CREBBP: variants seen among roughly 807,000 people sequenced by gnomAD.
CREBBP encodes the protein CREB binding lysine acetyltransferase.
A neutral mutation model predicts 265.0 loss-of-function variants in CREBBP; 19 were observed. The observed-to-expected ratio is 0.07, with a 90% CI of 0.05 to 0.11. The LOEUF (loss-of-function observed/expected upper bound fraction) is 0.11, where lower values mean the gene tolerates loss of function less well. Among genes scored for constraint, CREBBP ranks in the 10% least tolerant of loss-of-function variants. CREBBP has a pLI of 1.00. For synonymous variants in CREBBP, 1,457 were observed against 1,223.7 expected, an observed-to-expected ratio of 1.19 and a Z score of -3.98; for missense variants, 2,525 against 3,219.0, an observed-to-expected ratio of 0.78 and a Z score of 5.22.
At chr16:3,808,566 C>T (rs1265260130) in intron 3 of CREBBP, among the ~76,000 whole-genome samples, 2 of 152,252 alleles carry the variant, frequency 1.3e-5, no homozygotes, top group African/African-American at 4.8e-5. Context: ...GCAGAAACTG[C>T]CCTTGACAAG....
chr16:3,766,444 G>C (rs1053708564), intron 16 of CREBBP, among the ~76,000 whole-genome samples: 3 of 152,052 alleles, frequency 2.0e-5, no homozygotes, highest in Non-Finnish European at 4.4e-5. Context: ...TTTTTGTTTT[G>C]GAAAAATTGT....
Position 3,880,042 on chromosome 16 carries a change from G to T in CREBBP, c.-126C>A. ...GCGCGGGCCGCGAGCGGGCGGGCGGGCGCCGAGGGAGAGGGAGGGCGCAGG... is the reference window on the plus strand; with the variant it reads ...GCGCGGGCCGCGAGCGGGCGGGCGGTCGCCGAGGGAGAGGGAGGGCGCAGG... On this transcript the variant is annotated 5_prime_UTR_variant, in exon 1 of 31. Coordinates refer to ENST00000262367, the MANE Select transcript of CREBBP (RefSeq NM_004380.3). The T allele has an allele frequency of 1.4e-6, 1 of 727,974 alleles. No individual in the cohort carries two copies. The highest frequency in any genetic ancestry group is 1.9e-6 in the Non-Finnish European group (1 of 532,488). The allele number at this position is 727,974 out of a possible 1,614,324, so 45.1% of individuals were successfully genotyped here. A position where few individuals can be genotyped will look rare whatever the true frequency, so the allele number is the denominator to read the frequency against.
chr16:3,826,757 A>C lies in CREBBP; in HGVS notation c.799-15978T>G, dbSNP rs371486080. ...GGCGCCTAAGGAGACAGGACGATTA[A>C]AAGTAATGGGGTATCATGGATGGTA... On this transcript the variant is annotated intron_variant, in intron 2 of 30. Coordinates refer to ENST00000262367, the MANE Select transcript of CREBBP (RefSeq NM_004380.3). 4.6e-4 allele frequency among the ~76,000 whole-genome samples: 70 copies of C among 152,334 alleles called. No individual in the cohort carries two copies. The East Asian group carries it at 0.01, about 22-fold the overall frequency.
rs766317101 is a variant in CREBBP at position 3,793,564 on chromosome 16, T to C, written c.1038A>G (p.Ala346=). 3 of 1,614,004 alleles carry C rather than the reference T, an allele frequency of 1.9e-6. No individual in the cohort carries two copies. The highest frequency in any genetic ancestry group is 2.2e-5 in the East Asian group (1 of 44,902). Reference sequence around the variant, plus strand: ...GTATCAGTTTGCGTTTTTCAGGATCTGCAGTGGGGCCTGTTGCAATTGCTT... The same window carrying C: ...GTATCAGTTTGCGTTTTTCAGGATCCGCAGTGGGGCCTGTTGCAATTGCTT... The part of the protein sequence containing the change: ...PTQAIATGPT[A]DPEKRKLIQQ... The change falls in exon 4 of 31, where the codon GCA becomes GCG. Residue 346 remains alanine (A), a synonymous_variant. Transcript: ENST00000262367.
intron 1 of CREBBP, among the ~76,000 whole-genome samples, chr16:3,864,353 A>G (rs1487923064): frequency 6.6e-6 from 1 of 152,200 alleles, no homozygotes; most frequent in East Asian, 1.9e-4. Flanking sequence ...AAGTCCAAAA[A>G]GTATGCCAGT....
At chr16:3,849,417 GTGTGTGTGT>G (rs2054741827) in intron 2 of CREBBP, among the ~76,000 whole-genome samples, 4 of 7,100 alleles carry the variant, frequency 5.6e-4, no homozygotes, top group African/African-American at 6.9e-4. Context: ...GTGTGTGTGT[GTGTGTGTGT>G]GTGTGTGTGT....
At chr16:3,807,626 C>G (rs749338129) in intron 3 of CREBBP, among the ~76,000 whole-genome samples, 3 of 152,198 alleles carry the variant, frequency 2.0e-5, no homozygotes, top group Admixed American at 6.5e-5. Flanking sequence ...CAGAACATAA[C>G]TGAAGAGTTT....
chr16:3,746,783 A>G (rs957361179), intron 21 of CREBBP, among the ~76,000 whole-genome samples: 5 of 152,248 alleles, frequency 3.3e-5, no homozygotes, highest in Non-Finnish European at 4.4e-5. Flanking sequence ...CATTTCTACA[A>G]AAAATTTAAA....
intron 1 of CREBBP, among the ~76,000 whole-genome samples, chr16:3,852,725 C>T (rs1304389936): frequency 6.6e-6 from 1 of 152,138 alleles, no homozygotes; most frequent in Admixed American, 6.5e-5. Context: ...GTCTTCACCC[C>T]AAAGGGAAAT....
In CREBBP at chr16:3,850,470, T is replaced by C; in HGVS notation, c.625A>G (p.Met209Val). ...NQASQGQAQV[M>V]NGSLGAAGRG... ...CCAGCAGCCCCAAGAGATCCATTCATGACTTGCGCCTGCCCTTGTGAAGCC... is the reference window on the plus strand; with the variant it reads ...CCAGCAGCCCCAAGAGATCCATTCACGACTTGCGCCTGCCCTTGTGAAGCC... Residue 209 changes from methionine (M) to valine (V), a missense_variant, in exon 2 of 31, where the codon ATG (methionine) becomes GTG (valine). By Grantham distance (21) the Met-to-Val change is conservative. This residue lies in a region of CREBBP where 356 missense variants were observed against 340.4 expected (regional missense o/e 1.05). Coordinates refer to ENST00000262367, the MANE Select transcript of CREBBP (RefSeq NM_004380.3). The C allele has an allele frequency of 1.2e-6, 2 of 1,614,236 alleles. No individual in the cohort carries two copies. The highest frequency in any genetic ancestry group is 8.5e-7 in the Non-Finnish European group (1 of 1,180,040).
Position 3,850,489 on chromosome 16 carries a change from T to C in CREBBP, c.606A>G (p.Ser202=), listed in dbSNP as rs1567361978. The C allele has an allele frequency of 3.1e-6, 5 of 1,614,124 alleles. No homozygotes were observed. The East Asian group carries it at 1.1e-4, about 36-fold the overall frequency. Residue 202 remains serine (S), a synonymous_variant, in exon 2 of 31, where the codon TCA becomes TCG. Transcript: ENST00000262367. The part of the protein sequence containing the change: ...NSGHSLINQA[S]QGQAQVMNGS... ...CATTCATGACTTGCGCCTGCCCTTGTGAAGCCTGATTAATTAAGCTATGGC... is the reference window on the plus strand; with the variant it reads ...CATTCATGACTTGCGCCTGCCCTTGCGAAGCCTGATTAATTAAGCTATGGC...
chr16:3,826,879 G>T (rs1200410674), intron 2 of CREBBP, among the ~76,000 whole-genome samples: 1 of 152,178 alleles, frequency 6.6e-6, no homozygotes, highest in Non-Finnish European at 1.5e-5. Context: ...CATTACTTAT[G>T]ACAAACACAA....
intron 2 of CREBBP, among the ~76,000 whole-genome samples, chr16:3,818,040 A>G (rs968893991): frequency 2.0e-5 from 3 of 152,072 alleles, no homozygotes; most frequent in African/African-American, 7.2e-5. Context: ...GACATCAACC[A>G]CTCATAAGAA....
At chr16:3,776,634 G>A (rs2053144525) in intron 11 of CREBBP, among the ~76,000 whole-genome samples, 1 of 152,048 alleles carries the variant, frequency 6.6e-6, no homozygotes, top group Non-Finnish European at 1.5e-5. Flanking sequence ...GCATTCAGAA[G>A]CACTCCCTCC....
intron 19 of CREBBP, among the ~76,000 whole-genome samples, chr16:3,755,004 T>C (rs906647231): frequency 8.5e-5 from 13 of 152,232 alleles, no homozygotes; most frequent in Non-Finnish European, 1.9e-4. Flanking sequence ...TACACTGTTC[T>C]AGAGAGCATG....
Position 3,727,488 on chromosome 16 carries a change from C to T in CREBBP, c.*230G>A, listed in dbSNP as rs1425288765. On this transcript the variant is annotated 3_prime_UTR_variant, in exon 31 of 31. Transcript: ENST00000262367. ...CAAAAACAAAACGGAAAAAAAAGAA[C>T]CCCCCCCACCCCCCCGCCAAAAAAA... is the stretch of plus-strand genomic sequence containing the variant. The T allele has an allele frequency of 1.5e-5, 1 of 66,456 alleles. No homozygotes were observed. The highest frequency in any genetic ancestry group is 3.6e-4 in the East Asian group (1 of 2,778). 4.1% of individuals were successfully genotyped at this position (66,456 alleles called of 1,614,324 possible). A position where few individuals can be genotyped will look rare whatever the true frequency, so the allele number is the denominator to read the frequency against.
intron 2 of CREBBP, among the ~76,000 whole-genome samples, chr16:3,817,162 G>C (rs549371764): frequency 6.6e-6 from 1 of 152,184 alleles, no homozygotes; most frequent in Non-Finnish European, 1.5e-5. Context: ...AGATACACAA[G>C]TCCAGTCTGG....
At chr16:3,744,846 G>A (rs770211243) in intron 23 of CREBBP, 48 bp downstream of exon 23, 29 of 1,401,582 alleles carry the variant, frequency 2.1e-5, no homozygotes, top group Non-Finnish European at 2.9e-5. Flanking sequence ...ATTTCTACAA[G>A]TTTCTAAAAT....
chr16:3,752,608 G>A (rs1206828049), intron 19 of CREBBP, among the ~76,000 whole-genome samples: 2 of 152,014 alleles, frequency 1.3e-5, no homozygotes, highest in Non-Finnish European at 2.9e-5. Context: ...TAAGAAATGT[G>A]ATATATTGTA....
Sources: gnomAD v4.1 joint callset for allele counts (sites outside exome capture counted in the v4.1 genomes callset) on GRCh38, gnomAD v4.1.1 for gene constraint, gnomAD v4.1.1 regional missense constraint, MANE v1.5 for transcripts, NCBI Gene and HGNC (gene_info 2026-07-23, HGNC 2026-07-21) for gene names.